PIAS1: variants seen among roughly 807,000 people sequenced by gnomAD.
The protein encoded by PIAS1 is E3 SUMO-protein ligase PIAS1.
Under a neutral mutation model 71.3 loss-of-function variants are expected in PIAS1, and 6 were observed. The observed-to-expected ratio is 0.08, with a 90% CI of 0.05 to 0.17. The LOEUF (loss-of-function observed/expected upper bound fraction) is 0.17, where lower values mean the gene tolerates loss of function less well. PIAS1 is among the 10% of genes least tolerant of loss of function. The pLI is 1.00. For synonymous variants in PIAS1, 303 were observed against 292.9 expected (o/e 1.03, Z -0.35); for missense variants, 555 against 793.6 (o/e 0.70, Z 3.61).
At chr15:68,184,739 A>G (rs1009409891) in intron 13 of PIAS1, 2 of 152,850 alleles carry the variant, frequency 1.3e-5, no homozygotes, top group African/African-American at 4.8e-5. Flanking sequence ...TCTGGAAATA[A>G]ATGGCTGAAA....
intron 6 of PIAS1, among the ~76,000 whole-genome samples, chr15:68,152,668 G>A (rs1307744154): frequency 1.3e-5 from 2 of 152,192 alleles, no homozygotes; most frequent in Non-Finnish European, 2.9e-5. Context: ...TTTGAAAAAT[G>A]TGTGTAGCTA....
intron 1 of PIAS1, among the ~76,000 whole-genome samples, chr15:68,076,064 G>A (rs2092160353): frequency 6.6e-6 from 1 of 152,086 alleles, no homozygotes; most frequent in African/African-American, 2.4e-5. Context: ...GATTACAGGC[G>A]TGAGCCACCG....
At chr15:68,129,006 A>G (rs1456959713) in intron 2 of PIAS1, among the ~76,000 whole-genome samples, 1 of 152,196 alleles carries the variant, frequency 6.6e-6, no homozygotes, top group Non-Finnish European at 1.5e-5. Context: ...TTAATATATA[A>G]TGTGTTATAT....
rs117846691 is a variant in PIAS1 at position 68,103,100 on chromosome 15, G to A, written c.469+16350G>A. Among the ~76,000 whole-genome samples the A allele has an allele frequency of 6.2e-3, 934 of 151,712 alleles. 4 individuals are homozygous for A. Among genetic ancestry groups the A allele is most frequent in the East Asian group, 0.033 (168 of 5,144 alleles). On this transcript the variant is annotated intron_variant, in intron 2 of 13. Transcript: ENST00000249636. ...GCACCACCACACCCAGATAATTTTCGTATTTTAGTAGAGATGGGGTTTCAC... is the reference window on the plus strand; with the variant it reads ...GCACCACCACACCCAGATAATTTTCATATTTTAGTAGAGATGGGGTTTCAC...
intron 1 of PIAS1, chr15:68,055,298 G>A (rs893844686): frequency 1.3e-6 from 1 of 757,072 alleles, no homozygotes; most frequent in Non-Finnish European, 1.6e-6. Flanking sequence ...TGGCCATGTT[G>A]ATTTGAACGA....
intron 2 of PIAS1, among the ~76,000 whole-genome samples, chr15:68,099,740 C>T (rs1346817070): frequency 2.0e-5 from 3 of 151,564 alleles, no homozygotes; most frequent in Admixed American, 6.6e-5. Context: ...TCTGTTTCTT[C>T]TGGTATTGTA....
chr15:68,087,613 GAAACAA>G (rs2092295113), intron 2 of PIAS1, among the ~76,000 whole-genome samples: 1 of 152,042 alleles, frequency 6.6e-6, no homozygotes, highest in Non-Finnish European at 1.5e-5. Flanking sequence ...AAAAAGGAAA[GAAACAA>G]AAACAAAGAA....
chr15:68,135,715 G>T (rs1168249269), intron 2 of PIAS1, among the ~76,000 whole-genome samples: 1 of 57,360 alleles, frequency 1.7e-5, no homozygotes, highest in African/African-American at 4.2e-5. Context: ...GGGCGGAGAC[G>T]CTCCTCACTT....
intron 5 of PIAS1, among the ~76,000 whole-genome samples, chr15:68,146,146 C>T (rs547400568): frequency 3.3e-5 from 5 of 152,056 alleles, no homozygotes; most frequent in East Asian, 3.9e-4. Context: ...GATTTTGGGG[C>T]GAAGTTTTTT....
rs1158546048 is a variant in PIAS1, at chr15:68,174,995, C to T, written c.1170-642C>T. On this transcript the variant is annotated intron_variant, in intron 9 of 13. Transcript: ENST00000249636. This position sits in a 1 kb window ranked among gnomAD's most constrained non-coding sequence, Gnocchi z 4.0. ...CATTTCTTGTTATAAAAGCCATGTA[C>T]ACACATACTCTTTTAAAGAAAAATT... Among the ~76,000 whole-genome samples the T allele has an allele frequency of 6.6e-6, 1 of 152,136 alleles. No individual in the cohort carries two copies. The highest frequency in any genetic ancestry group is 2.4e-5 in the African/African-American group (1 of 41,436).
At chr15:68,121,338 A>G (rs2092611829) in intron 2 of PIAS1, among the ~76,000 whole-genome samples, 1 of 149,686 alleles carries the variant, frequency 6.7e-6, no homozygotes, top group South Asian at 2.1e-4. Flanking sequence ...ATTATTTTTG[A>G]CAAGAAATCT....
At chr15:68,169,170 AAG>A (rs1782829064) in intron 8 of PIAS1, among the ~76,000 whole-genome samples, 2 of 152,198 alleles carry the variant, frequency 1.3e-5, no homozygotes, top group African/African-American at 4.8e-5. Context: ...GCAATAGCAA[AAG>A]TACCTTATAA....
intron 1 of PIAS1, among the ~76,000 whole-genome samples, chr15:68,071,214 G>A (rs1007633486): frequency 4.1e-4 from 14 of 34,268 alleles, no homozygotes; most frequent in Admixed American, 1.7e-3. Flanking sequence ...CCGCCCCCCC[G>A]CCCCTACCTC....
chr15:68,164,424 G>T (rs942468261), intron 7 of PIAS1, among the ~76,000 whole-genome samples: 4 of 151,952 alleles, frequency 2.6e-5, no homozygotes, highest in Non-Finnish European at 4.4e-5. Flanking sequence ...AAAGAAAAAG[G>T]GTCTACCATT....
chr15:68,151,939 A>ATTTTT (rs1201017658), intron 6 of PIAS1, among the ~76,000 whole-genome samples: 15,744 of 67,372 alleles, frequency 0.23, 1,408 homozygotes, highest in East Asian at 0.38. Context: ...AAATTTAGGA[A>ATTTTT]TTTTTTTTTT....
chr15:68,164,603 C>T lies in PIAS1; in HGVS notation c.935-128C>T, dbSNP rs1346200478. 3 of 495,326 alleles carry T rather than the reference C, an allele frequency of 6.1e-6. No individual in the cohort carries two copies. In the East Asian group the frequency reaches 8.9e-5, roughly 15 times the overall value. 30.7% of individuals were successfully genotyped at this position (495,326 alleles called of 1,614,324 possible). A position where few individuals can be genotyped will look rare whatever the true frequency, so the allele number is the denominator to read the frequency against. ...AAGCCATATGGTTGTTTTTATCTTT[C>T]CATTCAATTGATTGGGAAATAATTG... On this transcript the variant is annotated intron_variant, in intron 7 of 13. Transcript: ENST00000249636.
At chr15:68,094,534 A>C (rs1298604330) in intron 2 of PIAS1, among the ~76,000 whole-genome samples, 1 of 152,090 alleles carries the variant, frequency 6.6e-6, no homozygotes, top group Non-Finnish European at 1.5e-5. Flanking sequence ...GTTTTCTGCC[A>C]AGGGCTCCTC....
chr15:68,082,115 C>T (rs1173178329), intron 1 of PIAS1, among the ~76,000 whole-genome samples: 1 of 152,268 alleles, frequency 6.6e-6, no homozygotes, highest in South Asian at 2.1e-4. Flanking sequence ...GCCCAGCACT[C>T]TGTACTGAGC....
At chr15:68,056,206 A>T (rs536763657) in intron 1 of PIAS1, among the ~76,000 whole-genome samples, 1 of 152,380 alleles carries the variant, frequency 6.6e-6, no homozygotes, top group South Asian at 2.1e-4. Flanking sequence ...ATAGCTAATC[A>T]GTTGTTATAC....
Sources: gnomAD v4.1 joint callset for allele counts (sites outside exome capture counted in the v4.1 genomes callset) on GRCh38, gnomAD v4.1.1 for gene constraint, Gnocchi (gnomAD v3.1) non-coding constraint, MANE v1.5 for transcripts, NCBI Gene and HGNC (gene_info 2026-07-23, HGNC 2026-07-21) for gene names.